NCOR2: variants seen among roughly 807,000 people sequenced by gnomAD.
The protein encoded by NCOR2 is nuclear receptor corepressor 2, also known as CTG repeat protein 26.
NCOR2 carries 81 observed loss-of-function variants against 262.9 expected under a neutral mutation model. The ratio of observed to expected loss-of-function variants is 0.31; its 90% CI spans 0.26 to 0.37. NCOR2 has a LOEUF of 0.37. Among genes scored for constraint, NCOR2 ranks in the 10% least tolerant of loss-of-function variants. The pLI is 1.00. For synonymous variants in NCOR2, 1,659 were observed against 1,559.3 expected (o/e 1.06, Z -1.51); for missense variants, 3,385 against 3,621.4 (o/e 0.93, Z 1.68).
At chr12:124,455,685 T>A (rs1223396850) in intron 6 of NCOR2, among the ~76,000 whole-genome samples, 1 of 152,242 alleles carries the variant, frequency 6.6e-6, no homozygotes, top group Admixed American at 6.5e-5. Flanking sequence ...GACCAGGAGC[T>A]GCACTAGGTG....
At chr12:124,479,077 A>G (rs927358968) in intron 3 of NCOR2, among the ~76,000 whole-genome samples, 1 of 151,360 alleles carries the variant, frequency 6.6e-6, no homozygotes, top group African/African-American at 2.4e-5. Flanking sequence ...GAGCGCACGG[A>G]CGTGCTGGAG....
At chr12:124,359,870 T>C (rs1429966289) in intron 22 of NCOR2, among the ~76,000 whole-genome samples, 2 of 152,086 alleles carry the variant, frequency 1.3e-5, no homozygotes, top group African/African-American at 4.8e-5. Context: ...ACCAGAGAGG[T>C]AGCGCTGGGT....
At chr12:124,335,740 A>T in intron 38 of NCOR2, 108 bp from the exon 41 acceptor site, 1 of 1,306,228 alleles carries the variant, frequency 7.7e-7, no homozygotes, top group Non-Finnish European at 1.0e-6. Context: ...GTCAAGGGGA[A>T]CCCAAGCTAG....
intron 1 of NCOR2, among the ~76,000 whole-genome samples, chr12:124,557,979 G>C (rs994303362): frequency 6.6e-6 from 1 of 152,022 alleles, no homozygotes; most frequent in Admixed American, 6.6e-5. Context: ...AAAAGCCCAG[G>C]CCAGGGCCTG....
At chr12:124,358,565 C>T (rs2038207283) in intron 22 of NCOR2, among the ~76,000 whole-genome samples, 1 of 152,176 alleles carries the variant, frequency 6.6e-6, no homozygotes, top group Non-Finnish European at 1.5e-5. Context: ...CCATGAGCCT[C>T]CGGTTAAGCT....
At chr12:124,509,853 A>C (rs2049287013) in intron 1 of NCOR2, among the ~76,000 whole-genome samples, 2 of 152,082 alleles carry the variant, frequency 1.3e-5, no homozygotes, top group Admixed American at 1.3e-4. Flanking sequence ...TCTCAGAGGC[A>C]GACACACCCC....
At chr12:124,419,730 C>T (rs1653853794) in intron 13 of NCOR2, among the ~76,000 whole-genome samples, 2 of 152,236 alleles carry the variant, frequency 1.3e-5, no homozygotes, top group South Asian at 4.1e-4. Flanking sequence ...TCTTCCTGGC[C>T]ACTACGGGAG....
At chr12:124,407,660 G>A (rs1315728235) in intron 13 of NCOR2, among the ~76,000 whole-genome samples, 1 of 152,236 alleles carries the variant, frequency 6.6e-6, no homozygotes, top group Admixed American at 6.5e-5. Context: ...GACCACCCAC[G>A]TAGGGGTTGA....
chr12:124,501,547 A>G (rs932724408), intron 1 of NCOR2, among the ~76,000 whole-genome samples: 2 of 151,590 alleles, frequency 1.3e-5, no homozygotes, highest in Non-Finnish European at 2.9e-5. Flanking sequence ...GGCCCCGGCA[A>G]CCCCCGGTGT....
chr12:124,402,267 C>T (rs558230450), intron 14 of NCOR2, 137 bp downstream of exon 16: 53 of 1,493,586 alleles, frequency 3.5e-5, no homozygotes, highest in African/African-American at 7.0e-5. Flanking sequence ...CAGGGGCAAA[C>T]GAGCAGAAAG....
chr12:124,353,999 G>C (rs890675390), intron 27 of NCOR2, 94 bp downstream of exon 29: 7 of 1,142,236 alleles, frequency 6.1e-6, no homozygotes, highest in African/African-American at 3.1e-5. Context: ...CCCATCGGCT[G>C]AGGCTAATGG....
chr12:124,490,626 AC>A (rs34757790), intron 1 of NCOR2, among the ~76,000 whole-genome samples: 9 of 150,154 alleles, frequency 6.0e-5, no homozygotes, highest in Non-Finnish European at 8.9e-5. Context: ...TAATGGAGAG[AC>A]CCCCCCCAGG....
At chr12:124,524,789 G>A (rs893068576) in intron 1 of NCOR2, among the ~76,000 whole-genome samples, 5 of 152,176 alleles carry the variant, frequency 3.3e-5, no homozygotes, top group African/African-American at 1.2e-4. Context: ...TTCAGCTCTT[G>A]CCTCACCCAG....
rs200545066 is a variant in NCOR2, at chr12:124,334,460, G to A, written c.6569C>T (p.Pro2190Leu). 112 of 1,489,978 alleles carry A rather than the reference G, an allele frequency of 7.5e-5. No individual in the cohort carries two copies. In the East Asian group the frequency reaches 1.9e-3, roughly 25 times the overall value. The allele number at this position is 1,489,978 out of a possible 1,614,324, so 92.3% of individuals were successfully genotyped here. A position where few individuals can be genotyped will look rare whatever the true frequency, so the allele number is the denominator to read the frequency against. ...TTCGCTGTGGGGGGAGCCACGGGCCGGGGCACCATGGTCCGGGGGCGGGAG... is the reference window on the plus strand; with the variant it reads ...TTCGCTGTGGGGGGAGCCACGGGCCAGGGCACCATGGTCCGGGGGCGGGAG... Residue 2190 changes from proline to leucine, a missense_variant, in exon 41 of 47, where the codon CCG becomes CTG. This residue lies in a region of NCOR2 where 1,017 missense variants were observed against 967.2 expected (regional missense o/e 1.05). Coordinates refer to ENST00000405201, the Ensembl canonical transcript of NCOR2.
chr12:124,456,518 T>C (rs914269383), intron 6 of NCOR2, among the ~76,000 whole-genome samples: 1 of 151,850 alleles, frequency 6.6e-6, no homozygotes, highest in East Asian at 2.0e-4. Flanking sequence ...GCCATCATCA[T>C]CATCATCATC....
intron 1 of NCOR2, among the ~76,000 whole-genome samples, chr12:124,493,635 A>T (rs1281555488): frequency 6.6e-6 from 1 of 152,086 alleles, no homozygotes; most frequent in Non-Finnish European, 1.5e-5. Context: ...AACCATATAC[A>T]CTCAGGGCTT....
intron 1 of NCOR2, among the ~76,000 whole-genome samples, chr12:124,541,869 T>A (rs1203662353): frequency 6.6e-5 from 1 of 15,110 alleles, no homozygotes; most frequent in African/African-American, 2.4e-4. Flanking sequence ...GGAGTGGAGA[T>A]GGAGGGGGTG....
chr12:124,434,674 TG>T (rs1285624066), intron 8 of NCOR2, among the ~76,000 whole-genome samples: 1 of 152,280 alleles, frequency 6.6e-6, no homozygotes, highest in East Asian at 1.9e-4. Context: ...CATGGGGGGC[TG>T]TCAAGGAGGC....
chr12:124,519,674 T>C (rs2050065589), intron 1 of NCOR2, among the ~76,000 whole-genome samples: 1 of 152,162 alleles, frequency 6.6e-6, no homozygotes. Flanking sequence ...TGTCATCCTT[T>C]TTACTCTCAG....
Sources: allele counts gnomAD v4.1 joint callset (sites outside exome capture counted in the v4.1 genomes callset), GRCh38; gene constraint gnomAD v4.1.1; regional missense constraint gnomAD v4.1.1; transcripts MANE v1.5; gene names NCBI Gene and HGNC (gene_info 2026-07-23, HGNC 2026-07-21).